The following KCNIP1 variants were observed in gnomAD, a reference collection of about 807,000 sequenced individuals.
KCNIP1 encodes A-type potassium channel modulatory protein KCNIP1.
KCNIP1 carries 18 observed loss-of-function variants against 33.0 expected under a neutral mutation model. The ratio of observed to expected loss-of-function variants is 0.55; its 90% CI spans 0.38 to 0.81. KCNIP1 has a LOEUF of 0.81. Ranked by LOEUF, KCNIP1 falls within the 30% of genes least tolerant of loss-of-function variation. KCNIP1 has a pLI of 0.00. For synonymous variants in KCNIP1, 93 were observed against 98.3 expected (o/e 0.95, Z 0.32); for missense variants, 238 against 271.6 (o/e 0.88, Z 0.87).
intron 1 of KCNIP1, among the ~76,000 whole-genome samples, chr5:170,386,262 C>G (rs1349936255): frequency 6.6e-6 from 1 of 152,150 alleles, no homozygotes; most frequent in Non-Finnish European, 1.5e-5. Flanking sequence ...GATGAGAAAG[C>G]TAAGGTGATA....
chr5:170,438,493 T>C (rs994736252), intron 1 of KCNIP1, among the ~76,000 whole-genome samples: 21 of 152,110 alleles, frequency 1.4e-4, no homozygotes, highest in African/African-American at 5.1e-4. Flanking sequence ...TAAAATAAAA[T>C]TTAAAAATTG....
intron 1 of KCNIP1, among the ~76,000 whole-genome samples, chr5:170,356,408 A>T (rs971908334): frequency 6.6e-6 from 1 of 151,842 alleles, no homozygotes; most frequent in Non-Finnish European, 1.5e-5. Flanking sequence ...GTCCAGGATC[A>T]CCCTCCCTGT....
upstream of KCNIP1, among the ~76,000 whole-genome samples, chr5:170,499,358 C>T (rs1757368424): frequency 1.3e-5 from 2 of 152,236 alleles, no homozygotes; most frequent in Non-Finnish European, 2.9e-5. Flanking sequence ...GGGCAGTCCA[C>T]CTTCAATAAT....
intron 1 of KCNIP1, among the ~76,000 whole-genome samples, chr5:170,529,167 G>T (rs1299976920): frequency 2.0e-5 from 3 of 152,130 alleles, no homozygotes; most frequent in Admixed American, 2.0e-4. Flanking sequence ...AGAAAATGTC[G>T]ACAAGAACCT....
At chr5:170,725,745 T>C (rs759789427) in intron 5 of KCNIP1, among the ~76,000 whole-genome samples, 1 of 152,216 alleles carries the variant, frequency 6.6e-6, no homozygotes, top group African/African-American at 2.4e-5. Context: ...ACACATTGTA[T>C]GCCTGTATCA....
At position 170,695,162 on chromosome 5, in the gene KCNIP1, C is replaced by T. The variant is rs1762848833; in HGVS notation, c.62-23596C>T. ...CCTCCCGATCCCCTTCTCTAACACC[C>T]ATCCCCCGGCCACCCAACATCAGCA... On this transcript the variant is annotated intron_variant, in intron 1 of 7. Transcript: ENST00000328939. 4.6e-5 allele frequency among the ~76,000 whole-genome samples: 7 copies of T among 152,252 alleles called. No homozygotes were observed. The South Asian group carries it at 1.5e-3, about 32-fold the overall frequency.
At chr5:170,636,325 G>A (rs990655456) in intron 1 of KCNIP1, among the ~76,000 whole-genome samples, 2 of 152,128 alleles carry the variant, frequency 1.3e-5, no homozygotes, top group Admixed American at 6.5e-5. Context: ...CCCTGAGGGG[G>A]GCAGAAAGGC....
At chr5:170,602,635 C>A (rs1758740259) in intron 1 of KCNIP1, among the ~76,000 whole-genome samples, 1 of 152,216 alleles carries the variant, frequency 6.6e-6, no homozygotes, top group Non-Finnish European at 1.5e-5. Context: ...GTGGTCCTGA[C>A]AAGACAGTGC....
At chr5:170,355,518 C>T (rs1223236079) in intron 1 of KCNIP1, among the ~76,000 whole-genome samples, 1 of 152,154 alleles carries the variant, frequency 6.6e-6, no homozygotes, top group Non-Finnish European at 1.5e-5. Context: ...CCAGACCCCA[C>T]ACACAGATGC....
chr5:170,612,289 T>A (rs1759192936), intron 1 of KCNIP1, among the ~76,000 whole-genome samples: 1 of 152,226 alleles, frequency 6.6e-6, no homozygotes, highest in Admixed American at 6.5e-5. Flanking sequence ...GCCACATGCC[T>A]TGGTTTCCAG....
chr5:170,690,399 T>C (rs1009044539), intron 1 of KCNIP1, among the ~76,000 whole-genome samples: 5 of 152,200 alleles, frequency 3.3e-5, no homozygotes, highest in Non-Finnish European at 7.3e-5. Flanking sequence ...GTTATTCTCC[T>C]CAGAGCTGGC....
At chr5:170,449,918 A>T (rs988796173) in intron 1 of KCNIP1, among the ~76,000 whole-genome samples, 23 of 151,984 alleles carry the variant, frequency 1.5e-4, no homozygotes, top group Admixed American at 1.2e-3. Flanking sequence ...AAAGACTCAA[A>T]CCTTCTTGGA....
intron 1 of KCNIP1, among the ~76,000 whole-genome samples, chr5:170,699,395 C>T (rs548904641): frequency 3.0e-4 from 45 of 152,152 alleles, no homozygotes; most frequent in African/African-American, 8.9e-4. Context: ...CCCCACGTCT[C>T]GGATCCTCAT....
At chr5:170,423,175 G>A (rs1166983926) in intron 1 of KCNIP1, among the ~76,000 whole-genome samples, 1 of 152,168 alleles carries the variant, frequency 6.6e-6, no homozygotes, top group Non-Finnish European at 1.5e-5. Flanking sequence ...TTATAGATAG[G>A]GAAACTGAAA....
At chr5:170,568,238 A>G (rs1320571814) in intron 1 of KCNIP1, among the ~76,000 whole-genome samples, 5 of 152,230 alleles carry the variant, frequency 3.3e-5, no homozygotes, top group African/African-American at 7.2e-5. Flanking sequence ...CTGCTGCAGC[A>G]GAATCCTTCA....
At chr5:170,569,703 C>A (rs28584302) in intron 1 of KCNIP1, among the ~76,000 whole-genome samples, 3,307 of 151,976 alleles carry the variant, frequency 0.022, 128 homozygotes, top group African/African-American at 0.075. Context: ...ATGATCACAC[C>A]AATGCCCTCC....
At chr5:170,655,979 G>A (rs1761249682) in intron 1 of KCNIP1, among the ~76,000 whole-genome samples, 2 of 152,178 alleles carry the variant, frequency 1.3e-5, no homozygotes, top group African/African-American at 4.8e-5. Context: ...ATGAGGTTGA[G>A]GTGGGGGAGA....
At chr5:170,450,615 T>C (rs1756225680) in intron 1 of KCNIP1, among the ~76,000 whole-genome samples, 1 of 152,108 alleles carries the variant, frequency 6.6e-6, no homozygotes, top group Non-Finnish European at 1.5e-5. Flanking sequence ...ACACCCCTCA[T>C]TCCTGCCCCT....
rs185569159 is a variant in KCNIP1, at chr5:170,643,162, A to G, written c.62-75596A>G. Among the ~76,000 whole-genome samples, 105 of 152,340 alleles carry G rather than the reference A, an allele frequency of 6.9e-4. 1 individual carries two copies. Among genetic ancestry groups the G allele is most frequent in the Non-Finnish European group, 1.1e-3 (75 of 68,034 alleles). ...AGGGGGAAACATGATGATGAGTCAGAGGCTGGAGTGACACCTGGAAGGGGC... is the reference window on the plus strand; with the variant it reads ...AGGGGGAAACATGATGATGAGTCAGGGGCTGGAGTGACACCTGGAAGGGGC... On this transcript the variant is annotated intron_variant, in intron 1 of 7. Coordinates refer to ENST00000328939, the MANE Select transcript of KCNIP1 (RefSeq NM_014592.4).
Sources: gnomAD v4.1 joint callset for allele counts (sites outside exome capture counted in the v4.1 genomes callset) on GRCh38, gnomAD v4.1.1 for gene constraint, MANE v1.5 for transcripts, NCBI Gene and HGNC (gene_info 2026-07-23, HGNC 2026-07-21) for gene names.